The following PRELID2 variants were observed in gnomAD, a reference collection of about 807,000 sequenced individuals.
PRELID2 encodes PRELI domain containing 2.
A neutral mutation model predicts 28.4 loss-of-function variants in PRELID2; 25 were observed. That is an observed-to-expected ratio of 0.88 (90% CI 0.64 to 1.23). The LOEUF (loss-of-function observed/expected upper bound fraction) is 1.23, where lower values mean the gene tolerates loss of function less well. Among genes scored for constraint, PRELID2 ranks in the 50% most tolerant of loss-of-function variants. The pLI, the probability that PRELID2 is intolerant of heterozygous loss-of-function variation, is 0.00. For missense variants in PRELID2, 201 were observed against 214.4 expected, an observed-to-expected ratio of 0.94 and a Z score of 0.39; for synonymous variants, 76 against 71.6, an observed-to-expected ratio of 1.06 and a Z score of -0.31.
intron 5 of PRELID2, among the ~76,000 whole-genome samples, chr5:145,771,184 A>G (rs1758079835): frequency 6.6e-6 from 1 of 151,904 alleles, no homozygotes; most frequent in African/African-American, 2.4e-5. Flanking sequence ...CTATGTTTGG[A>G]TACACAAATA....
intron 1 of PRELID2, among the ~76,000 whole-genome samples, chr5:145,562,616 CT>C (rs1403885870): frequency 6.6e-6 from 1 of 152,140 alleles, no homozygotes; most frequent in Admixed American, 6.6e-5. Flanking sequence ...AAGATAGATT[CT>C]GTTAAAAGAT....
chr5:145,253,458 A>G, the PRELID2 span, among the ~76,000 whole-genome samples: 1 of 152,152 alleles, frequency 6.6e-6, no homozygotes, highest in Non-Finnish European at 1.5e-5. Context: ...TAGTAATCGT[A>G]AAAAGCAAAG....
intron 1 of PRELID2, among the ~76,000 whole-genome samples, chr5:145,698,219 A>T (rs1755326092): frequency 6.6e-6 from 1 of 152,208 alleles, no homozygotes. Flanking sequence ...CCTACTATAT[A>T]TCAGGCAATG....
At chr5:145,488,989 T>C (rs1752245415) in intron 1 of PRELID2, among the ~76,000 whole-genome samples, 1 of 152,274 alleles carries the variant, frequency 6.6e-6, no homozygotes. Flanking sequence ...CAGGGGCGAC[T>C]AGTTTGACAT....
At chr5:145,399,766 G>A in the PRELID2 span, among the ~76,000 whole-genome samples, 1 of 152,124 alleles carries the variant, frequency 6.6e-6, no homozygotes, top group Non-Finnish European at 1.5e-5. Flanking sequence ...GCACATGGCT[G>A]GTGAGGCCTC....
At chr5:145,776,191 AGACG>A (rs1162999944) in intron 5 of PRELID2, among the ~76,000 whole-genome samples, 1 of 152,218 alleles carries the variant, frequency 6.6e-6, no homozygotes, top group Non-Finnish European at 1.5e-5. Flanking sequence ...TGACATTCTG[AGACG>A]TGTGATGAAA....
At chr5:145,461,801 T>C in the PRELID2 span, among the ~76,000 whole-genome samples, 5 of 152,194 alleles carry the variant, frequency 3.3e-5, no homozygotes, top group African/African-American at 9.6e-5. Context: ...TGGATGCAAA[T>C]GATATTAAAA....
the PRELID2 span, among the ~76,000 whole-genome samples, chr5:145,287,643 A>G: frequency 2.0e-5 from 3 of 152,208 alleles, no homozygotes; most frequent in Non-Finnish European, 2.9e-5. Flanking sequence ...CAAAAATTTC[A>G]AAGAGTTTTT....
intron 5 of PRELID2, among the ~76,000 whole-genome samples, chr5:145,789,896 G>A (rs1463074584): frequency 2.6e-5 from 4 of 152,010 alleles, no homozygotes; most frequent in Admixed American, 1.3e-4. Flanking sequence ...AAAAAAGAAG[G>A]TTCAACAGCA....
At chr5:145,369,468 C>T in the PRELID2 span, among the ~76,000 whole-genome samples, 28 of 151,906 alleles carry the variant, frequency 1.8e-4, no homozygotes, top group Admixed American at 1.7e-3. Flanking sequence ...TTTTTATGGC[C>T]GTGAAGTATT....
At chr5:145,295,015 T>G in the PRELID2 span, among the ~76,000 whole-genome samples, 1 of 152,082 alleles carries the variant, frequency 6.6e-6, no homozygotes, top group Non-Finnish European at 1.5e-5. Context: ...CTAGGGAACA[T>G]AGATATTGAT....
At chr5:145,250,905 A>C in the PRELID2 span, among the ~76,000 whole-genome samples, 1 of 152,146 alleles carries the variant, frequency 6.6e-6, no homozygotes, top group Admixed American at 6.6e-5. Flanking sequence ...AGAGCACAGA[A>C]AACAATATTT....
the PRELID2 span, among the ~76,000 whole-genome samples, chr5:145,340,990 C>T: frequency 6.6e-6 from 1 of 151,708 alleles, no homozygotes; most frequent in Non-Finnish European, 1.5e-5. Context: ...ACAGATAACA[C>T]TGAGGCTGTT....
intron 1 of PRELID2, among the ~76,000 whole-genome samples, chr5:145,649,708 A>G (rs996160858): frequency 6.6e-6 from 1 of 152,100 alleles, no homozygotes; most frequent in Non-Finnish European, 1.5e-5. Flanking sequence ...TCTTTATTTC[A>G]GTGATTGCAT....
At chr5:145,509,307 T>A (rs1485208623) in intron 1 of PRELID2, among the ~76,000 whole-genome samples, 2 of 152,214 alleles carry the variant, frequency 1.3e-5, no homozygotes, top group Non-Finnish European at 2.9e-5. Context: ...AAATACTTAG[T>A]CCTACAGTTT....
At chr5:145,709,135 G>A (rs1055439721) in intron 1 of PRELID2, among the ~76,000 whole-genome samples, 12 of 152,214 alleles carry the variant, frequency 7.9e-5, no homozygotes, top group East Asian at 1.9e-4. Flanking sequence ...CTATTCTTGC[G>A]TCTTTTCCTG....
At chr5:145,781,399 G>C (rs563121626) in intron 5 of PRELID2, among the ~76,000 whole-genome samples, 1 of 151,858 alleles carries the variant, frequency 6.6e-6, no homozygotes, top group Non-Finnish European at 1.5e-5. Flanking sequence ...ACATTTTCCT[G>C]GTCTTTTTGG....
At chr5:145,511,394 C>G (rs1158346708) in intron 1 of PRELID2, among the ~76,000 whole-genome samples, 1 of 152,184 alleles carries the variant, frequency 6.6e-6, no homozygotes, top group Non-Finnish European at 1.5e-5. Context: ...CCTCACTACA[C>G]AAATGGAAAA....
intron 1 of PRELID2, among the ~76,000 whole-genome samples, chr5:145,621,557 T>C (rs928081346): frequency 6.6e-6 from 1 of 152,222 alleles, no homozygotes; most frequent in African/African-American, 2.4e-5. Flanking sequence ...CAATGAAATA[T>C]TATTCTACAA....
Sources: allele counts gnomAD v4.1 joint callset (sites outside exome capture counted in the v4.1 genomes callset), GRCh38; gene constraint gnomAD v4.1.1; transcripts MANE v1.5; gene names NCBI Gene and HGNC (gene_info 2026-07-23, HGNC 2026-07-21).